NUP155: variants seen among roughly 807,000 people sequenced by gnomAD.
NUP155 encodes the protein nucleoporin 155, also known as nuclear pore complex protein Nup155.
NUP155 carries 71 observed loss-of-function variants against 180.4 expected under a neutral mutation model. The observed-to-expected ratio is 0.39, with a 90% CI of 0.33 to 0.48. The LOEUF (loss-of-function observed/expected upper bound fraction) is 0.48. Ranked by LOEUF, NUP155 falls within the 20% of genes least tolerant of loss-of-function variation. NUP155 has a pLI of 0.91. For synonymous variants in NUP155, 582 were observed against 559.5 expected (o/e 1.04, Z -0.57); for missense variants, 1,553 against 1,648.9 (o/e 0.94, Z 1.01).
chr5:37,348,624 A>AGTGAG, intron 8 of NUP155, 28 bp from the exon 9 acceptor site: 2 of 1,278,372 alleles, frequency 1.6e-6, no homozygotes, highest in Non-Finnish European at 2.3e-6. Flanking sequence ...TTCTCACTTA[A>AGTGAG]ACATGATTAT....
intron 19 of NUP155, among the ~76,000 whole-genome samples, chr5:37,325,329 A>G (rs1744520116): frequency 6.6e-6 from 1 of 152,168 alleles, no homozygotes; most frequent in Non-Finnish European, 1.5e-5. Context: ...TGAGGGAGAT[A>G]TACTACGCCC....
At chr5:37,339,092 G>A (rs1194615826) in intron 11 of NUP155, among the ~76,000 whole-genome samples, 2 of 152,098 alleles carry the variant, frequency 1.3e-5, no homozygotes, top group African/African-American at 2.4e-5. Context: ...ATCTGGGCCA[G>A]GTGCTGTGGC....
At chr5:37,359,036 A>G (rs1398154107) in intron 3 of NUP155, among the ~76,000 whole-genome samples, 2 of 150,594 alleles carry the variant, frequency 1.3e-5, no homozygotes, top group African/African-American at 4.9e-5. Flanking sequence ...AGACTGGGAG[A>G]GGTGGCTCAT....
chr5:37,367,029 C>T (rs553470384), intron 1 of NUP155, among the ~76,000 whole-genome samples: 57 of 151,420 alleles, frequency 3.8e-4, no homozygotes, highest in African/African-American at 1.3e-3. Context: ...CCACTGCACC[C>T]GGCCGAACTC....
chr5:37,359,141 T>TTA (rs35639229), intron 3 of NUP155, among the ~76,000 whole-genome samples: 5,754 of 149,190 alleles, frequency 0.039, 377 homozygotes, highest in African/African-American at 0.13. Flanking sequence ...TATGAAAAAT[T>TTA]TATATATATA....
chr5:37,343,990 T>G (rs182764014), intron 9 of NUP155, among the ~76,000 whole-genome samples: 1 of 152,182 alleles, frequency 6.6e-6, no homozygotes, highest in African/African-American at 2.4e-5. Flanking sequence ...TGCTATTATG[T>G]GTCTCTTGAT....
rs538577646 is a variant in NUP155 at position 37,330,588 on chromosome 5, A to T, written c.1630-456T>A. Among the ~76,000 whole-genome samples the T allele has an allele frequency of 3.9e-5, 6 of 152,278 alleles. No individual in the cohort carries two copies. The South Asian group carries it at 1.2e-3, about 32-fold the overall frequency. ...CTCAGTGGTGGAGCTGGGATTTTTA[A>T]CACAGGTGCTTTGAATCCAGAGTCT... is the stretch of plus-strand genomic sequence containing the variant. On this transcript the variant is annotated intron_variant, in intron 14 of 34. Coordinates refer to ENST00000231498, the MANE Select transcript of NUP155 (RefSeq NM_153485.3).
intron 9 of NUP155, among the ~76,000 whole-genome samples, chr5:37,344,042 C>G (rs1311303324): frequency 7.9e-5 from 12 of 152,002 alleles, no homozygotes; most frequent in Admixed American, 7.9e-4. Flanking sequence ...GTAATACTGG[C>G]TAAAAGATAT....
intron 16 of NUP155, among the ~76,000 whole-genome samples, 179 bp from the exon 17 acceptor site, chr5:37,328,599 G>A (rs1744761872): frequency 6.6e-6 from 1 of 152,100 alleles, no homozygotes; most frequent in Admixed American, 6.6e-5. Context: ...TGTCTCCCGG[G>A]TTCAAGCGAT....
In NUP155 at chr5:37,314,232, T is replaced by C. The variant is rs1743720767; in HGVS notation, c.2402A>G (p.His801Arg). 6 of 1,610,170 alleles carry C rather than the reference T, an allele frequency of 3.7e-6. No homozygotes were observed. The highest frequency in any genetic ancestry group is 5.1e-6 in the Non-Finnish European group (6 of 1,176,976). The stretch of plus-strand genomic sequence containing the variant: ...TTCTGCCACAATGATAGTGAATTGA[T>C]GTTCACAAAGAAGTTTCCATAAAGC... ...ALALWKLLCE[H>R]QFTIIVAELQ... The change falls in exon 22 of 35, where the codon CAT becomes CGT. Residue 801 changes from histidine to arginine, a missense_variant. By Grantham distance (29) the His-to-Arg change is conservative. Coordinates refer to ENST00000231498, the MANE Select transcript of NUP155 (RefSeq NM_153485.3).
intron 6 of NUP155, 75 bp downstream of exon 6, chr5:37,351,115 G>C: frequency 8.4e-7 from 1 of 1,184,394 alleles, no homozygotes; most frequent in Non-Finnish European, 1.2e-6. Context: ...TATATAATTA[G>C]AAAACAAAAT....
rs1747518236 is a variant in NUP155, at chr5:37,365,711, G to GAAAAAAAAAAA, written c.158-1328_158-1327insTTTTTTTTTTT. ...TGACAGAGCAAGACTCTGTCTCGGGGAGAAAAAAAAAAAAAAAAAAAAAAA... is the reference window on the plus strand; with the variant it reads ...TGACAGAGCAAGACTCTGTCTCGGGGAAAAAAAAAAAAGAAAAAAAAAAAAAAAAAAAAAAA... On this transcript the variant is annotated intron_variant, in intron 1 of 34. Coordinates refer to ENST00000231498, the MANE Select transcript of NUP155 (RefSeq NM_153485.3). Among the ~76,000 whole-genome samples, 13 of 34,016 alleles carry GAAAAAAAAAAA rather than the reference G, an allele frequency of 3.8e-4. 4 individuals are homozygous for GAAAAAAAAAAA. The highest frequency in any genetic ancestry group is 1.8e-3 in the East Asian group (2 of 1,098). The allele number at this position is 34,016 out of a possible 152,430, so 22.3% of individuals were successfully genotyped here. A position where few individuals can be genotyped will look rare whatever the true frequency, so the allele number is the denominator to read the frequency against.
intron 34 of NUP155, 101 bp from the exon 35 acceptor site, chr5:37,292,139 G>A (rs1742266931): frequency 2.8e-6 from 3 of 1,085,664 alleles, no homozygotes; most frequent in Admixed American, 3.6e-5. Flanking sequence ...TCTCACAGGA[G>A]AGGAAAGACC....
In NUP155 at chr5:37,289,125, A is replaced by G. The variant is rs561294191; in HGVS notation, c.*2775T>C. 1.4e-4 allele frequency: 23 copies of G among 160,058 alleles called. No individual in the cohort carries two copies. In the South Asian group the frequency reaches 4.3e-3, roughly 30 times the overall value. The allele number at this position is 160,058 out of a possible 1,614,324, so 9.9% of individuals were successfully genotyped here. A position where few individuals can be genotyped will look rare whatever the true frequency, so the allele number is the denominator to read the frequency against. On this transcript the variant is annotated 3_prime_UTR_variant, in exon 35 of 35. Coordinates refer to ENST00000231498, the MANE Select transcript of NUP155 (RefSeq NM_153485.3). ...GTGCCATTGCACTCCAGCCTGGGCAACAAGAGCAAAACTCAGTCTCAAACA... is the reference window on the plus strand; with the variant it reads ...GTGCCATTGCACTCCAGCCTGGGCAGCAAGAGCAAAACTCAGTCTCAAACA...
In NUP155 at chr5:37,368,209, C is replaced by CTTT. The variant is rs58198308; in HGVS notation, c.157+2609_157+2611dup. ...ACAGGCATGAGGCACAGCGCCAGGC[C>CTTT]TTTTTTTTTTTTTTTTTTTTTTTTT... On this transcript the variant is annotated intron_variant, in intron 1 of 34. Coordinates refer to ENST00000231498, the MANE Select transcript of NUP155 (RefSeq NM_153485.3). Among the ~76,000 whole-genome samples the CTTT allele has an allele frequency of 4.0e-3, 209 of 52,864 alleles. 40 individuals carry two copies. The highest frequency in any genetic ancestry group is 0.015 in the African/African-American group (201 of 13,234). 34.7% of individuals were successfully genotyped at this position (52,864 alleles called of 152,430 possible).
At chr5:37,308,875 C>CAAAAAAAAAA (rs59572976) in intron 24 of NUP155, among the ~76,000 whole-genome samples, 1 of 68,862 alleles carries the variant, frequency 1.5e-5, no homozygotes, top group African/African-American at 6.6e-5. Flanking sequence ...GCGAGACTCT[C>CAAAAAAAAAA]AAAAAAAAAA....
chr5:37,295,966 C>G lies in NUP155; in HGVS notation c.3794-1501G>C, dbSNP rs1581126508. Among the ~76,000 whole-genome samples the G allele has an allele frequency of 2.2e-4, 33 of 147,908 alleles. No individual in the cohort carries two copies. In the South Asian group the frequency reaches 7.1e-3, roughly 32 times the overall value. ...CGCCCCTACTGGGAAGTGAGGAGCC[C>G]CTCTGCCCGGCCAGCCGCCCCATCC... On this transcript the variant is annotated intron_variant, in intron 32 of 34. Coordinates refer to ENST00000231498, the MANE Select transcript of NUP155 (RefSeq NM_153485.3).
At chr5:37,324,818 G>C (rs1224550581) in intron 19 of NUP155, among the ~76,000 whole-genome samples, 1 of 152,058 alleles carries the variant, frequency 6.6e-6, no homozygotes, top group African/African-American at 2.4e-5. Flanking sequence ...TTACAGGCAC[G>C]GGCCACTGTG....
At chr5:37,318,626 T>A (rs1744055809) in intron 20 of NUP155, among the ~76,000 whole-genome samples, 1 of 152,080 alleles carries the variant, frequency 6.6e-6, no homozygotes, top group South Asian at 2.1e-4. Flanking sequence ...ATGCAAATAT[T>A]TAAAAATCAA....
Sources: gnomAD v4.1 joint callset for allele counts (sites outside exome capture counted in the v4.1 genomes callset) on GRCh38, gnomAD v4.1.1 for gene constraint, MANE v1.5 for transcripts, NCBI Gene and HGNC (gene_info 2026-07-23, HGNC 2026-07-21) for gene names.